Variants in VPS50 observed in about 807,000 individuals in gnomAD.
VPS50 encodes the protein VPS50 subunit of EARP/GARPII complex.
VPS50 carries 70 observed loss-of-function variants against 139.7 expected under a neutral mutation model. The observed-to-expected ratio is 0.50, with a 90% CI of 0.41 to 0.61. VPS50 has a LOEUF of 0.61. Among genes scored for constraint, VPS50 ranks in the 20% least tolerant of loss-of-function variants. VPS50 has a pLI of 0.00. For synonymous variants in VPS50, 365 were observed against 376.7 expected (o/e 0.97, Z 0.36); for missense variants, 921 against 1,133.7 (o/e 0.81, Z 2.69).
chr7:93,278,936 G>A (rs1485611963), intron 12 of VPS50, among the ~76,000 whole-genome samples: 1 of 151,906 alleles, frequency 6.6e-6, no homozygotes, highest in Non-Finnish European at 1.5e-5. Flanking sequence ...GTACTTTTTT[G>A]GTATTTATTC....
intron 2 of VPS50, among the ~76,000 whole-genome samples, chr7:93,245,240 A>G (rs1240325383): frequency 6.6e-6 from 1 of 151,722 alleles, no homozygotes; most frequent in Non-Finnish European, 1.5e-5. Flanking sequence ...GGACAAGGAT[A>G]CTGATTAAGA....
At chr7:93,261,696 A>G (rs1021428227) in intron 9 of VPS50, among the ~76,000 whole-genome samples, 52 of 151,516 alleles carry the variant, frequency 3.4e-4, no homozygotes, top group Non-Finnish European at 5.5e-4. Context: ...AAAAAAAAAA[A>G]AAAGAAATTA....
At chr7:93,289,769 A>G (rs1179044952) in intron 12 of VPS50, among the ~76,000 whole-genome samples, 1 of 152,076 alleles carries the variant, frequency 6.6e-6, no homozygotes, top group Non-Finnish European at 1.5e-5. Flanking sequence ...AGAAAACACT[A>G]TCTTCATCTA....
In VPS50 at chr7:93,358,114, T is replaced by C. The variant is rs144764954; in HGVS notation, c.2776-203T>C. ...TCTAGTGCTTACTGTTTCAAATGTG[T>C]ACTATAGTATTCTTATTCTCTCCTA... On this transcript the variant is annotated intron_variant, in intron 27 of 27. Coordinates refer to ENST00000305866, the MANE Select transcript of VPS50 (RefSeq NM_017667.4). Among the ~76,000 whole-genome samples, 531 of 152,262 alleles carry C rather than the reference T, an allele frequency of 3.5e-3. 3 individuals are homozygous for C. The highest frequency in any genetic ancestry group is 0.012 in the African/African-American group (503 of 41,556).
intron 9 of VPS50, among the ~76,000 whole-genome samples, chr7:93,269,182 C>G (rs1227557995): frequency 2.0e-5 from 3 of 152,084 alleles, no homozygotes; most frequent in Non-Finnish European, 4.4e-5. Flanking sequence ...ACTGCCATAG[C>G]TATCCTTTTG....
chr7:93,249,368 A>G (rs191593466), intron 2 of VPS50, among the ~76,000 whole-genome samples: 96 of 152,184 alleles, frequency 6.3e-4, no homozygotes, highest in Admixed American at 2.2e-3. Flanking sequence ...TGAAAAAAAA[A>G]CTAGGCATGA....
intron 1 of VPS50, among the ~76,000 whole-genome samples, chr7:93,239,190 A>G (rs573459994): frequency 6.6e-6 from 1 of 152,326 alleles, no homozygotes; most frequent in East Asian, 1.9e-4. Context: ...TCTGCTTCGA[A>G]TAGCCTATTT....
chr7:93,294,622 A>G lies in VPS50; in HGVS notation c.1153A>G (p.Thr385Ala). 6.3e-7 allele frequency: 1 copy of G among 1,595,748 alleles called. No individual in the cohort carries two copies. The highest frequency in any genetic ancestry group is 8.5e-7 in the Non-Finnish European group (1 of 1,172,804). Residue 385 changes from threonine to alanine, a missense_variant, in exon 14 of 28, where the codon ACA becomes GCA. Physicochemically the swap from Thr to Ala is moderately conservative, Grantham distance 58. Coordinates refer to ENST00000305866, the MANE Select transcript of VPS50 (RefSeq NM_017667.4). ...AAAAAAGAAATTAGAACATGGACTT[A>G]CACGAATATGGCAGGTTTGGTTTTT... ...YIKKKLEHGLTRIWQDVQLKV... is the reference protein window; with the variant it reads ...YIKKKLEHGLARIWQDVQLKV...
chr7:93,246,115 G>T (rs1487637245), intron 2 of VPS50: 1 of 1,518,836 alleles, frequency 6.6e-7, no homozygotes, highest in East Asian at 2.5e-5. Context: ...GAGCCCTAAC[G>T]TGATGTTAAC....
chr7:93,277,845 A>G (rs1396214612), intron 12 of VPS50, among the ~76,000 whole-genome samples: 3 of 151,970 alleles, frequency 2.0e-5, no homozygotes, highest in African/African-American at 7.3e-5. Flanking sequence ...TCTTATTCAT[A>G]TATGTTCTTA....
chr7:93,236,832 TTC>T (rs1794814945), intron 1 of VPS50, among the ~76,000 whole-genome samples: 1 of 152,012 alleles, frequency 6.6e-6, no homozygotes, highest in South Asian at 2.1e-4. Flanking sequence ...AGGAAAGCAT[TTC>T]TGTCATAATA....
At chr7:93,313,506 T>A (rs1797333464) in intron 20 of VPS50, among the ~76,000 whole-genome samples, 1 of 152,176 alleles carries the variant, frequency 6.6e-6, no homozygotes, top group Non-Finnish European at 1.5e-5. Context: ...CATATCATAT[T>A]TAATGCAGAC....
intron 12 of VPS50, among the ~76,000 whole-genome samples, chr7:93,290,356 T>C (rs1796613491): frequency 6.6e-6 from 1 of 151,870 alleles, no homozygotes; most frequent in Non-Finnish European, 1.5e-5. Context: ...ATTATTGAAT[T>C]AGCAGGTGTT....
chr7:93,329,412 G>T (rs117960206), intron 21 of VPS50, among the ~76,000 whole-genome samples: 1 of 151,908 alleles, frequency 6.6e-6, no homozygotes, highest in Admixed American at 6.6e-5. Context: ...AGTGAAGAGC[G>T]TAAAAAAGGA....
At chr7:93,349,022 A>C (rs1051570365) in intron 24 of VPS50, among the ~76,000 whole-genome samples, 2 of 152,202 alleles carry the variant, frequency 1.3e-5, no homozygotes, top group Non-Finnish European at 2.9e-5. Context: ...AGAGAGCATC[A>C]GTTAAAACTG....
chr7:93,292,108 G>A (rs1758384023), intron 13 of VPS50, among the ~76,000 whole-genome samples: 1 of 151,902 alleles, frequency 6.6e-6, no homozygotes, highest in Non-Finnish European at 1.5e-5. Context: ...ATAAATTTTT[G>A]TTGTTGTTAA....
At chr7:93,237,097 C>T (rs78055054) in intron 1 of VPS50, among the ~76,000 whole-genome samples, 9,922 of 150,946 alleles carry the variant, frequency 0.066, 699 homozygotes, top group East Asian at 0.31. Flanking sequence ...ACTACAGACG[C>T]CCGCCACCAC....
chr7:93,307,667 G>C (rs1485808860), intron 18 of VPS50, among the ~76,000 whole-genome samples: 1 of 151,862 alleles, frequency 6.6e-6, no homozygotes, highest in Non-Finnish European at 1.5e-5. Flanking sequence ...GATACGGTGT[G>C]GTCACAAACC....
Position 93,232,489 on chromosome 7 carries a change from A to G in VPS50, c.22A>G (p.Met8Val), listed in dbSNP as rs767589843. ...CGATATGCAAAAAATCAAATCTCTCATGACCCGACAGGTAAGTCGCGGCGG... is the reference window on the plus strand; with the variant it reads ...CGATATGCAAAAAATCAAATCTCTCGTGACCCGACAGGTAAGTCGCGGCGG... MQKIKSL[M>V]TRQGLKSPQE... The change falls in exon 1 of 28, where the codon ATG becomes GTG. Residue 8 changes from methionine (M) to valine (V), a missense_variant. Physicochemically the swap from Met to Val is conservative, Grantham distance 21. Coordinates refer to ENST00000305866, the MANE Select transcript of VPS50 (RefSeq NM_017667.4). 1 of 1,613,564 alleles carries G rather than the reference A, an allele frequency of 6.2e-7. No individual in the cohort carries two copies. The highest frequency in any genetic ancestry group is 2.2e-5 in the East Asian group (1 of 44,856).
Sources: allele counts gnomAD v4.1 joint callset (sites outside exome capture counted in the v4.1 genomes callset), GRCh38; gene constraint gnomAD v4.1.1; transcripts MANE v1.5; gene names NCBI Gene and HGNC (gene_info 2026-07-23, HGNC 2026-07-21).